The following FRMD6 variants were observed in gnomAD, a reference collection of about 807,000 sequenced individuals.
FRMD6 encodes FERM domain containing 6.
In FRMD6, 37 loss-of-function variants were observed where a neutral mutation model predicts 73.2. The observed-to-expected ratio is 0.51, with a 90% CI of 0.39 to 0.66. The LOEUF (loss-of-function observed/expected upper bound fraction) is 0.66. FRMD6 is among the 30% of genes least tolerant of loss of function. The pLI, the probability that FRMD6 is intolerant of heterozygous loss-of-function variation, is 0.00. For synonymous variants in FRMD6, 273 were observed against 282.2 expected (o/e 0.97, Z 0.33); for missense variants, 714 against 780.5 (o/e 0.91, Z 1.02).
intron 1 of FRMD6, chr14:51,546,583 C>CAAAAAAA (rs56915114): frequency 3.1e-5 from 3 of 96,666 alleles, no homozygotes; most frequent in African/African-American, 1.1e-4. Context: ...CCCTCCCCAT[C>CAAAAAAA]AAAAAAAAAA....
intron 2 of FRMD6, among the ~76,000 whole-genome samples, chr14:51,600,906 A>C (rs1165825600): frequency 6.6e-6 from 1 of 152,256 alleles, no homozygotes; most frequent in Admixed American, 6.5e-5. Context: ...GCAGTTGCCC[A>C]TAGCCTGGGT....
chr14:51,595,508 T>C (rs975265356), intron 2 of FRMD6, among the ~76,000 whole-genome samples: 2 of 152,090 alleles, frequency 1.3e-5, no homozygotes, highest in Non-Finnish European at 2.9e-5. Flanking sequence ...TTGTTAACAG[T>C]GTGAAGGCTC....
chr14:51,522,159 C>T lies in FRMD6; in HGVS notation c.-210+32739C>T, dbSNP rs1884988302. Among the ~76,000 whole-genome samples, 7 of 152,124 alleles carry T rather than the reference C, an allele frequency of 4.6e-5. No homozygotes were observed. In the South Asian group the frequency reaches 1.4e-3, roughly 31 times the overall value. On this transcript the variant is annotated intron_variant, in intron 1 of 14. Coordinates refer to the FRMD6 transcript ENST00000356218. ...TTGTTTTTTAGCAGAATTTTAAAAG[C>T]ACCTTAAACATACCTCATACTGATT...
At chr14:51,459,886 T>C in the FRMD6 span, among the ~76,000 whole-genome samples, 721 of 101,184 alleles carry the variant, frequency 7.1e-3, 25 homozygotes, top group African/African-American at 0.022. Context: ...CTGACTCTCT[T>C]TTTTTTTTTT....
intron 2 of FRMD6, among the ~76,000 whole-genome samples, chr14:51,617,834 G>C (rs1890774077): frequency 6.6e-6 from 1 of 151,974 alleles, no homozygotes; most frequent in Admixed American, 6.6e-5. Context: ...CTGTAGAAGG[G>C]GGATAAAATC....
chr14:51,398,773 A>G, the FRMD6 span, among the ~76,000 whole-genome samples: 1 of 152,214 alleles, frequency 6.6e-6, no homozygotes, highest in Admixed American at 6.5e-5. Context: ...AGTCTCAACC[A>G]GGGACAATAG....
At chr14:51,425,273 C>G in the FRMD6 span, among the ~76,000 whole-genome samples, 1 of 152,142 alleles carries the variant, frequency 6.6e-6, no homozygotes, top group East Asian at 1.9e-4. Context: ...CTGAAGGGCT[C>G]TTTATTCTCC....
chr14:51,563,506 C>G (rs918082501), intron 1 of FRMD6, among the ~76,000 whole-genome samples: 4 of 152,056 alleles, frequency 2.6e-5, no homozygotes, highest in African/African-American at 9.7e-5. Flanking sequence ...CCCATCTCTA[C>G]TAAAAATCCA....
chr14:51,608,967 G>A (rs539365617), intron 2 of FRMD6, among the ~76,000 whole-genome samples: 2 of 152,104 alleles, frequency 1.3e-5, no homozygotes, highest in Admixed American at 1.3e-4. Context: ...ACCAGCCTTG[G>A]GGGGTGGCTT....
chr14:51,439,601 G>A, the FRMD6 span, among the ~76,000 whole-genome samples: 1 of 152,112 alleles, frequency 6.6e-6, no homozygotes, highest in Non-Finnish European at 1.5e-5. Flanking sequence ...ACCCACTAAC[G>A]TGTTCACTAG....
chr14:51,570,169 T>C (rs1888055492), intron 1 of FRMD6, among the ~76,000 whole-genome samples: 1 of 152,148 alleles, frequency 6.6e-6, no homozygotes, highest in Middle Eastern at 3.2e-3. Flanking sequence ...ACATTGTTAG[T>C]CCAATTGCAT....
the FRMD6 span, among the ~76,000 whole-genome samples, chr14:51,415,939 G>A: frequency 4.9e-4 from 75 of 152,254 alleles, 1 homozygote; most frequent in African/African-American, 1.4e-3. Flanking sequence ...GTTTATTTGC[G>A]TAGAGGTGTT....
At chr14:51,723,400 G>C (rs1028045463) in intron 12 of FRMD6, among the ~76,000 whole-genome samples, 2 of 152,054 alleles carry the variant, frequency 1.3e-5, no homozygotes, top group African/African-American at 4.8e-5. Context: ...ATTTTAAATA[G>C]AAATAAAATT....
the FRMD6 span, among the ~76,000 whole-genome samples, chr14:51,435,794 T>G: frequency 6.6e-6 from 1 of 152,208 alleles, no homozygotes; most frequent in Admixed American, 6.5e-5. Context: ...AAGAGAGAAC[T>G]TTGAATGTTC....
chr14:51,540,567 A>G (rs891194889), intron 1 of FRMD6, among the ~76,000 whole-genome samples: 1 of 152,158 alleles, frequency 6.6e-6, no homozygotes, highest in Non-Finnish European at 1.5e-5. Context: ...TGTCTTAAAT[A>G]AGATGATTCA....
chr14:51,696,738 G>A (rs1895962103), intron 2 of FRMD6, among the ~76,000 whole-genome samples: 2 of 131,014 alleles, frequency 1.5e-5, no homozygotes, highest in South Asian at 2.7e-4. Flanking sequence ...CGTAGTGAGA[G>A]ACCCTGTCTC....
the FRMD6 span, among the ~76,000 whole-genome samples, chr14:51,452,566 G>A: frequency 6.6e-6 from 1 of 152,218 alleles, no homozygotes; most frequent in Non-Finnish European, 1.5e-5. Context: ...TGAGTCTATA[G>A]CTCAAGAACA....
rs765218169 is a variant in FRMD6 at position 51,704,739 on chromosome 14, A to G, written c.372-10A>G. On this transcript the variant is annotated splice_polypyrimidine_tract_variant and intron_variant, in intron 5 of 13. Coordinates refer to ENST00000344768, the MANE Select transcript of FRMD6 (RefSeq NM_001267046.2). ...CAAAATGTGAGTTCTGTTTTCTTTT[A>G]TTTTTCTAGTGACAGAGCAGCAAGA... 8.8e-6 allele frequency: 14 copies of G among 1,598,888 alleles called. No homozygotes were observed. The highest frequency in any genetic ancestry group is 1.1e-5 in the Non-Finnish European group (13 of 1,170,912).
At chr14:51,521,300 A>G (rs1325623485) in intron 1 of FRMD6, among the ~76,000 whole-genome samples, 3 of 152,268 alleles carry the variant, frequency 2.0e-5, no homozygotes, top group Non-Finnish European at 4.4e-5. Context: ...ACATATATAA[A>G]TACACCAAAG....
Sources: gnomAD v4.1 joint callset for allele counts (sites outside exome capture counted in the v4.1 genomes callset) on GRCh38, gnomAD v4.1.1 for gene constraint, MANE v1.5 for transcripts, NCBI Gene and HGNC (gene_info 2026-07-23, HGNC 2026-07-21) for gene names.